RAD51B: variants seen among roughly 807,000 people sequenced by gnomAD.
RAD51B encodes DNA repair protein RAD51 homolog 2.
In RAD51B, 38 loss-of-function variants were observed where a neutral mutation model predicts 42.2. The ratio of observed to expected loss-of-function variants is 0.90; its 90% CI spans 0.70 to 1.18. The LOEUF (loss-of-function observed/expected upper bound fraction) is 1.18. Among genes scored for constraint, RAD51B ranks in the 50% most tolerant of loss-of-function variants. RAD51B has a pLI of 0.00. For missense variants in RAD51B, 373 were observed against 400.7 expected, an observed-to-expected ratio of 0.93 and a Z score of 0.59; for synonymous variants, 154 against 145.2, an observed-to-expected ratio of 1.06 and a Z score of -0.43.
intron 2 of RAD51B, among the ~76,000 whole-genome samples, chr14:67,824,310 T>A (rs2140275761): frequency 6.6e-6 from 1 of 152,258 alleles, no homozygotes; most frequent in East Asian, 1.9e-4. Flanking sequence ...CAGGCTGGAG[T>A]ACAGTGGTGC....
At chr14:68,369,853 A>AT (rs1566838234) in intron 8 of RAD51B, among the ~76,000 whole-genome samples, 1 of 151,400 alleles carries the variant, frequency 6.6e-6, no homozygotes, top group Non-Finnish European at 1.5e-5. Context: ...CTGTCTATAT[A>AT]TTTTTTTCTT....
chr14:68,488,045 G>A (rs919333370), intron 10 of RAD51B, among the ~76,000 whole-genome samples: 5 of 152,096 alleles, frequency 3.3e-5, no homozygotes, highest in Non-Finnish European at 7.4e-5. Context: ...AGCTAGGTGG[G>A]GAGGGTGCAT....
intron 10 of RAD51B, among the ~76,000 whole-genome samples, chr14:68,495,233 C>G (rs1233487974): frequency 2.0e-5 from 3 of 152,180 alleles, no homozygotes; most frequent in Admixed American, 2.0e-4. Context: ...TACAGGTCAA[C>G]TATTCCAACC....
intron 7 of RAD51B, among the ~76,000 whole-genome samples, chr14:68,073,183 A>T (rs989536438): frequency 6.6e-6 from 1 of 152,116 alleles, no homozygotes; most frequent in Non-Finnish European, 1.5e-5. Flanking sequence ...CTAGGAATTC[A>T]TGTTATGAAT....
intron 10 of RAD51B, among the ~76,000 whole-genome samples, chr14:68,502,726 G>A (rs377006042): frequency 4.6e-5 from 7 of 152,164 alleles, no homozygotes; most frequent in East Asian, 1.9e-4. Context: ...TCTAAGCATC[G>A]GAAGCTTAAT....
At chr14:68,081,873 G>A (rs2076917524) in intron 7 of RAD51B, among the ~76,000 whole-genome samples, 1 of 152,178 alleles carries the variant, frequency 6.6e-6, no homozygotes, top group Admixed American at 6.5e-5. Flanking sequence ...CATATTGACA[G>A]AATTTACTGA....
At chr14:67,989,840 G>A (rs1057300113) in intron 7 of RAD51B, among the ~76,000 whole-genome samples, 2 of 151,912 alleles carry the variant, frequency 1.3e-5, no homozygotes, top group African/African-American at 4.8e-5. Flanking sequence ...GCATTTACAT[G>A]CTCAACCCTG....
chr14:68,282,973 A>G (rs906792287), intron 7 of RAD51B, among the ~76,000 whole-genome samples: 1 of 152,154 alleles, frequency 6.6e-6, no homozygotes, highest in Non-Finnish European at 1.5e-5. Flanking sequence ...AAGGGTATCA[A>G]TGTTGGTATT....
intron 10 of RAD51B, among the ~76,000 whole-genome samples, chr14:68,617,469 C>T (rs1434740524): frequency 6.6e-6 from 1 of 152,192 alleles, no homozygotes; most frequent in East Asian, 1.9e-4. Context: ...ACTTACAAAG[C>T]TTCACTCTGG....
At chr14:68,264,396 T>C (rs2080946829) in intron 7 of RAD51B, among the ~76,000 whole-genome samples, 1 of 152,252 alleles carries the variant, frequency 6.6e-6, no homozygotes, top group Admixed American at 6.5e-5. Context: ...CCAAGGTTTA[T>C]AGGCTTGGTG....
intron 10 of RAD51B, among the ~76,000 whole-genome samples, chr14:68,504,233 G>A (rs1273807313): frequency 3.3e-5 from 5 of 152,082 alleles, no homozygotes; most frequent in East Asian, 1.9e-4. Flanking sequence ...TCCTGACTCC[G>A]CAGCTGAAAC....
rs2140254912 is a variant in RAD51B, at chr14:68,477,664, G to A, written c.1053G>A (p.Ter351=). The A allele has an allele frequency of 6.2e-7, 1 of 1,610,608 alleles. No homozygotes were observed. Residue 351 remains the stop codon, a stop_retained_variant, in exon 11 of 11, where the codon TAG becomes TAA. Coordinates refer to ENST00000471583, the MANE Select transcript of RAD51B (RefSeq NM_133510.4). ...GLVLQGQEKP[*] ...TTCCTTTAGGCCAAGAGAAGCCATA[G>A]GGATACTGTGACCTTTGTCTAGAGT...
At chr14:68,525,063 G>A (rs901791092) in intron 10 of RAD51B, among the ~76,000 whole-genome samples, 2 of 152,230 alleles carry the variant, frequency 1.3e-5, no homozygotes, top group African/African-American at 4.8e-5. Context: ...CTTTGGGATA[G>A]AAAGCTTGTC....
chr14:68,453,061 T>C (rs2085598327), intron 9 of RAD51B, among the ~76,000 whole-genome samples: 1 of 152,192 alleles, frequency 6.6e-6, no homozygotes, highest in East Asian at 1.9e-4. Flanking sequence ...TGTGTGTGTG[T>C]GCACATGTGT....
At chr14:68,014,752 A>G (rs2075746357) in intron 7 of RAD51B, among the ~76,000 whole-genome samples, 2 of 150,902 alleles carry the variant, frequency 1.3e-5, no homozygotes, top group African/African-American at 4.9e-5. Flanking sequence ...GACCTGTACT[A>G]TTCTGAATGT....
At chr14:68,088,642 CAG>C (rs967573457) in intron 7 of RAD51B, among the ~76,000 whole-genome samples, 3 of 112,762 alleles carry the variant, frequency 2.7e-5, no homozygotes, top group African/African-American at 7.3e-5. Flanking sequence ...GAGAGAGAGA[CAG>C]AGAGAGAGAG....
chr14:68,317,647 A>G (rs539127768), intron 8 of RAD51B, among the ~76,000 whole-genome samples: 1 of 152,334 alleles, frequency 6.6e-6, no homozygotes, highest in South Asian at 2.1e-4. Context: ...AAACAAGTCC[A>G]TCACTCCTTC....
At chr14:68,619,556 A>G (rs932247933) in intron 10 of RAD51B, among the ~76,000 whole-genome samples, 4 of 152,220 alleles carry the variant, frequency 2.6e-5, no homozygotes, top group African/African-American at 9.6e-5. Flanking sequence ...AGGTCAAGGA[A>G]GCAAGTTAGA....
intron 10 of RAD51B, among the ~76,000 whole-genome samples, chr14:68,504,095 G>A (rs1016134122): frequency 4.2e-4 from 64 of 152,184 alleles, no homozygotes; most frequent in Non-Finnish European, 7.9e-4. Flanking sequence ...AGTACCTTTC[G>A]TTTTAGGCAT....
Sources: gnomAD v4.1 joint callset for allele counts (sites outside exome capture counted in the v4.1 genomes callset) on GRCh38, gnomAD v4.1.1 for gene constraint, MANE v1.5 for transcripts, NCBI Gene and HGNC (gene_info 2026-07-23, HGNC 2026-07-21) for gene names.